The following SLC31A2 variants were observed in gnomAD, a reference collection of about 807,000 sequenced individuals.
SLC31A2 encodes the protein solute carrier family 31 member 2.
A neutral mutation model predicts 14.4 loss-of-function variants in SLC31A2; 16 were observed. The observed-to-expected ratio is 1.11, with a 90% CI of 0.75 to 1.69. SLC31A2 has a LOEUF of 1.69. Ranked by LOEUF, SLC31A2 falls within the 40% of genes most tolerant of loss-of-function variation. SLC31A2 has a pLI of 0.00. For missense variants in SLC31A2, 140 were observed against 173.9 expected (o/e 0.81, Z 1.10); for synonymous variants, 56 against 68.7 (o/e 0.82, Z 0.91).
In SLC31A2 at chr9:113,151,967, A is replaced by G. The variant is rs200474093; in HGVS notation, c.6+887A>G. 3 of 143,178 alleles carry G rather than the reference A, an allele frequency of 2.1e-5. No homozygotes were observed. Among genetic ancestry groups the G allele is most frequent in the Middle Eastern group, 3.6e-3 (1 of 274 alleles). The allele number at this position is 143,178 out of a possible 1,614,324, so 8.9% of individuals were successfully genotyped here. Reference sequence around the variant, plus strand: ...TCAAACAAACAAAACAAAAAAAAAAAGATATAGGAAGTGTATGTAGGCCAT... The same window carrying G: ...TCAAACAAACAAAACAAAAAAAAAAGGATATAGGAAGTGTATGTAGGCCAT... On this transcript the variant is annotated intron_variant, in intron 1 of 3. Transcript: ENST00000259392. The surrounding 1 kb of genome is among the most constrained non-coding windows in gnomAD (Gnocchi z 4.2).
intron 1 of SLC31A2, among the ~76,000 whole-genome samples, chr9:113,155,386 C>T (rs1248881929): frequency 6.6e-6 from 1 of 152,222 alleles, no homozygotes; most frequent in Non-Finnish European, 1.5e-5. Flanking sequence ...TTAGTAGTCT[C>T]ATCTATGAAA....
intron 3 of SLC31A2, 123 bp downstream of exon 3, chr9:113,161,821 C>T: frequency 3.6e-6 from 4 of 1,110,484 alleles, no homozygotes; most frequent in Non-Finnish European, 5.3e-6. Context: ...AGGACCAGGA[C>T]TTGCCAAAGT....
Position 113,151,278 on chromosome 9 carries a change from A to G in SLC31A2, c.6+198A>G, listed in dbSNP as rs938896089. Among the ~76,000 whole-genome samples the G allele has an allele frequency of 6.6e-6, 1 of 151,556 alleles. No homozygotes were observed. The highest frequency in any genetic ancestry group is 1.5e-5 in the Non-Finnish European group (1 of 67,864). On this transcript the variant is annotated intron_variant, in intron 1 of 3. Transcript: ENST00000259392. This position sits in a 1 kb window ranked among gnomAD's most constrained non-coding sequence, Gnocchi z 4.2. Reference sequence around the variant, plus strand: ...CGGTGGCTCTGTGGTTTTCCTCTTTATTTGTCCCTCCTGCTGGGAGGCAGT... The same window carrying G: ...CGGTGGCTCTGTGGTTTTCCTCTTTGTTTGTCCCTCCTGCTGGGAGGCAGT...
intron 2 of SLC31A2, among the ~76,000 whole-genome samples, chr9:113,160,158 C>A (rs566517380): frequency 1.3e-5 from 2 of 151,794 alleles, no homozygotes; most frequent in African/African-American, 4.8e-5. Flanking sequence ...GCCAAGATTG[C>A]GCCACTGCAC....
At chr9:113,156,063 G>A (rs193289049) in intron 1 of SLC31A2, 5 of 518,876 alleles carry the variant, frequency 9.6e-6, no homozygotes, top group African/African-American at 5.8e-5. Context: ...GTTTCCAGGA[G>A]GCTACAGGAC....
intron 1 of SLC31A2, among the ~76,000 whole-genome samples, chr9:113,154,496 T>C (rs1829908996): frequency 6.6e-6 from 1 of 152,210 alleles, no homozygotes; most frequent in African/African-American, 2.4e-5. Context: ...TGAAGGGGGC[T>C]GGTTAAAATC....
At position 113,151,238 on chromosome 9, in the gene SLC31A2, G is replaced by A. The variant is rs560950157; in HGVS notation, c.6+158G>A. 7.9e-5 allele frequency among the ~76,000 whole-genome samples: 12 copies of A among 152,290 alleles called. No homozygotes were observed. The highest frequency in any genetic ancestry group is 1.5e-4 in the Non-Finnish European group (10 of 68,014). ...CAGCTGGAACAGGGTTGGGGGACGC[G>A]GCAGGTATAGGTTGCGGTGGCTCTG... On this transcript the variant is annotated intron_variant, in intron 1 of 3. Coordinates refer to ENST00000259392, the MANE Select transcript of SLC31A2 (RefSeq NM_001860.3). The surrounding 1 kb of genome is among the most constrained non-coding windows in gnomAD (Gnocchi z 4.2).
Position 113,151,058 on chromosome 9 carries a change from C to A in SLC31A2, c.-17C>A, listed in dbSNP as rs143966010. ...AGCGAGCAGACGCGGCCCTGGCGCC[C>A]GCCCTGCGCACTCACCATGGCGGTA... On this transcript the variant is annotated 5_prime_UTR_variant, in exon 1 of 4. Transcript: ENST00000259392. The surrounding 1 kb of genome is among the most constrained non-coding windows in gnomAD (Gnocchi z 4.2). The A allele has an allele frequency of 6.1e-6, 8 of 1,306,184 alleles. No individual in the cohort carries two copies. Among genetic ancestry groups the A allele is most frequent in the Non-Finnish European group, 3.9e-6 (4 of 1,020,682 alleles). 80.9% of individuals were successfully genotyped at this position (1,306,184 alleles called of 1,614,324 possible).
chr9:113,158,777 A>G (rs531285137), intron 2 of SLC31A2, among the ~76,000 whole-genome samples: 3 of 152,170 alleles, frequency 2.0e-5, no homozygotes, highest in Admixed American at 1.3e-4. Flanking sequence ...AATTACTTCT[A>G]CCTTTATTGG....
At chr9:113,155,074 A>G (rs1206021284) in intron 1 of SLC31A2, among the ~76,000 whole-genome samples, 1 of 152,242 alleles carries the variant, frequency 6.6e-6, no homozygotes, top group African/African-American at 2.4e-5. Context: ...TGTTAAAACA[A>G]CCGAACGACA....
Position 113,163,779 on chromosome 9 carries a change from C to CATCTTTCTT in SLC31A2, c.*863_*871dup, listed in dbSNP as rs1400808811. 6.6e-6 allele frequency: 1 copy of CATCTTTCTT among 152,626 alleles called. No homozygotes were observed. The allele number at this position is 152,626 out of a possible 1,614,324, so 9.5% of individuals were successfully genotyped here. On this transcript the variant is annotated 3_prime_UTR_variant, in exon 4 of 4. Coordinates refer to ENST00000259392, the MANE Select transcript of SLC31A2 (RefSeq NM_001860.3). The stretch of plus-strand genomic sequence containing the variant: ...TGGCCTCAATGCCCTCCTTTATCCT[C>CATCTTTCTT]ATCTTTCTTCTATGCAGAACAAAAA...
In SLC31A2 at chr9:113,151,489, A is replaced by G. The variant is rs1829865578; in HGVS notation, c.6+409A>G. ...GAAAGGGAAACCCCCGGCGCATTTC[A>G]GCCCGCAGCCCCGCGCGCACACCGA... On this transcript the variant is annotated intron_variant, in intron 1 of 3. Transcript: ENST00000259392. The surrounding 1 kb of genome is among the most constrained non-coding windows in gnomAD (Gnocchi z 4.2). Among the ~76,000 whole-genome samples the G allele has an allele frequency of 1.3e-5, 2 of 152,142 alleles. No homozygotes were observed. Among genetic ancestry groups the G allele is most frequent in the South Asian group, 2.1e-4 (1 of 4,818 alleles).
chr9:113,156,713 A>G (rs574730876), intron 1 of SLC31A2, among the ~76,000 whole-genome samples: 74 of 152,306 alleles, frequency 4.9e-4, no homozygotes, highest in African/African-American at 1.4e-3. Flanking sequence ...AGGGTGAACT[A>G]ACTGATAGAT....
chr9:113,158,455 T>C (rs966421248), intron 2 of SLC31A2, among the ~76,000 whole-genome samples: 1 of 152,224 alleles, frequency 6.6e-6, no homozygotes, highest in Non-Finnish European at 1.5e-5. Flanking sequence ...CATTTTATCA[T>C]TCTCTCTCAA....
At position 113,161,595 on chromosome 9, in the gene SLC31A2, G is replaced by A; in HGVS notation, c.160G>A (p.Val54Ile). 1 of 1,613,988 alleles carries A rather than the reference G, an allele frequency of 6.2e-7. No homozygotes were observed. Among genetic ancestry groups the A allele is most frequent in the Non-Finnish European group, 8.5e-7 (1 of 1,179,880 alleles). The change falls in exon 3 of 4, where the codon GTA (valine) becomes ATA (isoleucine). Residue 54 changes from valine (V) to isoleucine (I), a missense_variant. Val to Ile is a conservative substitution (Grantham distance 29). Transcript: ENST00000259392. ...TGGCAAAGCCAAGCTGCTCAACCAG[G>A]TACTGGTGAACCTGCCAACCTCCAT... is the stretch of plus-strand genomic sequence containing the variant. ...KVGKAKLLNQ[V>I]LVNLPTSISQ... is the part of the protein sequence containing the mutation.
At chr9:113,155,076 C>G (rs1032397207) in intron 1 of SLC31A2, among the ~76,000 whole-genome samples, 1 of 152,182 alleles carries the variant, frequency 6.6e-6, no homozygotes, top group African/African-American at 2.4e-5. Flanking sequence ...TTAAAACAAC[C>G]GAACGACAGC....
chr9:113,154,713 C>T (rs1250070747), intron 1 of SLC31A2, among the ~76,000 whole-genome samples: 4 of 152,194 alleles, frequency 2.6e-5, no homozygotes, highest in Non-Finnish European at 5.9e-5. Flanking sequence ...TCTGTGGATC[C>T]GGCTATAACA....
Position 113,163,010 on chromosome 9 carries a change from A to C in SLC31A2, c.*93A>C. 1 of 1,196,812 alleles carries C rather than the reference A, an allele frequency of 8.4e-7. No individual in the cohort carries two copies. The highest frequency in any genetic ancestry group is 1.1e-6 in the Non-Finnish European group (1 of 882,748). The allele number at this position is 1,196,812 out of a possible 1,614,324, so 74.1% of individuals were successfully genotyped here. ...CCAACTGCCCTTTCTTCTGATGGCTATTCCTCCACCTTATTCCCAGCCCCT... is the reference window on the plus strand; with the variant it reads ...CCAACTGCCCTTTCTTCTGATGGCTCTTCCTCCACCTTATTCCCAGCCCCT... On this transcript the variant is annotated 3_prime_UTR_variant, in exon 4 of 4. Coordinates refer to ENST00000259392, the MANE Select transcript of SLC31A2 (RefSeq NM_001860.3).
At chr9:113,154,803 G>A (rs1270461916) in intron 1 of SLC31A2, among the ~76,000 whole-genome samples, 2 of 152,122 alleles carry the variant, frequency 1.3e-5, no homozygotes, top group Non-Finnish European at 2.9e-5. Context: ...CCTGTTGTCC[G>A]CTGTTGTCCC....
Sources: gnomAD v4.1 joint callset for allele counts (sites outside exome capture counted in the v4.1 genomes callset) on GRCh38, gnomAD v4.1.1 for gene constraint, Gnocchi (gnomAD v3.1) non-coding constraint, MANE v1.5 for transcripts, NCBI Gene and HGNC (gene_info 2026-07-23, HGNC 2026-07-21) for gene names.